PSG6: variants seen among roughly 807,000 people sequenced by gnomAD.
PSG6 encodes pregnancy-specific beta-1-glycoprotein 6.
PSG6 carries 51 observed loss-of-function variants against 43.3 expected under a neutral mutation model. That is an observed-to-expected ratio of 1.18 (90% CI 0.94 to 1.49). The LOEUF is 1.49. Among genes scored for constraint, PSG6 ranks in the 40% most tolerant of loss-of-function variants. PSG6 has a pLI of 0.00. For synonymous variants in PSG6, 292 were observed against 197.6 expected (o/e 1.48, Z -4.01); for missense variants, 770 against 522.2 (o/e 1.47, Z -4.62).
chr19:42,907,196 G>A lies in PSG6; in HGVS notation c.986-20C>T. ...GACCATCTGGAGGAAAGAGAATAAA[G>A]CCACAGGTGATGTCATCCAAGGGAA... On this transcript the variant is annotated intron_variant, in intron 4 of 5. Coordinates refer to ENST00000187910, the MANE Select transcript of PSG6 (RefSeq NM_001031850.4). The A allele has an allele frequency of 6.2e-7, 1 of 1,606,594 alleles. No homozygotes were observed. Among genetic ancestry groups the A allele is most frequent in the Non-Finnish European group, 8.5e-7 (1 of 1,175,574 alleles).
Position 42,917,725 on chromosome 19 carries a change from T to A in PSG6, c.64+4A>T, listed in dbSNP as rs200356085. The A allele has an allele frequency of 6.2e-7, 1 of 1,609,528 alleles. No individual in the cohort carries two copies. On this transcript the variant is annotated splice_donor_region_variant and intron_variant, in intron 1 of 5. Transcript: ENST00000187910. Reference sequence around the variant, plus strand: ...TGTCCTCTCCCAGGAAGTCCTCTCCTCACCTGTGAGCAGGAGCCCCTTCCA... The same window carrying A: ...TGTCCTCTCCCAGGAAGTCCTCTCCACACCTGTGAGCAGGAGCCCCTTCCA...
chr19:42,902,816 C>G (rs149689430), intron 5 of PSG6, among the ~76,000 whole-genome samples: 1 of 151,400 alleles, frequency 6.6e-6, no homozygotes, highest in Non-Finnish European at 1.5e-5. Flanking sequence ...AACTAACATA[C>G]CAGACTTGAT....
intron 2 of PSG6, among the ~76,000 whole-genome samples, chr19:42,914,490 CA>C (rs1259618954): frequency 7.0e-6 from 1 of 142,664 alleles, no homozygotes; most frequent in African/African-American, 2.7e-5. Flanking sequence ...ACACTGACTT[CA>C]AAAACCCCAG....
In PSG6 at chr19:42,906,959, G is replaced by A. The variant is rs757849226; in HGVS notation, c.1203C>T (p.Gly401=). The A allele has an allele frequency of 2.5e-6, 4 of 1,612,370 alleles. No individual in the cohort carries two copies. The South Asian group carries it at 4.4e-5, about 18-fold the overall frequency. ...CTATCATGGATTTGGAGATTTCCTT[G>A]CCAGTGGCTGAGTTACGAACAGAGC... is the stretch of plus-strand genomic sequence containing the variant. ...YACSVRNSAT[G]KEISKSMIVK... Residue 401 remains glycine (G), a synonymous_variant, in exon 5 of 6, where the codon GGC becomes GGT. Coordinates refer to ENST00000187910, the MANE Select transcript of PSG6 (RefSeq NM_001031850.4).
chr19:42,909,250 G>A (rs1435737080), intron 3 of PSG6, among the ~76,000 whole-genome samples: 20 of 151,182 alleles, frequency 1.3e-4, no homozygotes, highest in Admixed American at 3.3e-4. Context: ...ATTAGTTTTC[G>A]GTGAATTCCA....
intron 2 of PSG6, among the ~76,000 whole-genome samples, chr19:42,911,915 G>A (rs556894497): frequency 1.3e-5 from 2 of 151,504 alleles, no homozygotes; most frequent in African/African-American, 4.9e-5. Flanking sequence ...CGGGTATAGG[G>A]CGTTGTTCCG....
chr19:42,917,801 C>G lies in PSG6; in HGVS notation c.-9G>C. The G allele has an allele frequency of 6.2e-7, 1 of 1,608,468 alleles. No homozygotes were observed. The highest frequency in any genetic ancestry group is 2.2e-5 in the East Asian group (1 of 44,598). On this transcript the variant is annotated 5_prime_UTR_variant, in exon 1 of 6. Transcript: ENST00000187910. ...GCTGAGAGGGGTCCCATGGTCTCTG[C>G]TGTCTGTGTGTTCTCCCCTGTGGAG...
chr19:42,903,430 AAAT>A (rs1439940037), intron 5 of PSG6, among the ~76,000 whole-genome samples: 2 of 151,632 alleles, frequency 1.3e-5, no homozygotes, highest in Non-Finnish European at 2.9e-5. Flanking sequence ...TGAATGAGGG[AAAT>A]AATAAGTATT....
chr19:42,907,333 C>G (rs73550888), intron 4 of PSG6, among the ~76,000 whole-genome samples, 157 bp from the exon 5 acceptor site: 3 of 151,826 alleles, frequency 2.0e-5, no homozygotes, highest in Admixed American at 1.3e-4. Flanking sequence ...TGAGGTATTC[C>G]CCTGTTTCTC....
Position 42,907,616 on chromosome 19 carries a change from A to G in PSG6, c.945T>C (p.Tyr315=). 5 of 1,611,892 alleles carry G rather than the reference A, an allele frequency of 3.1e-6. No individual in the cohort carries two copies. Among genetic ancestry groups the G allele is most frequent in the Non-Finnish European group, 4.2e-6 (5 of 1,179,092 alleles). ...TGACTGGGTTACTGCGGATGCCACCATATCGGTCCCGTATTTCACATTGAT... is the reference window on the plus strand; with the variant it reads ...TGACTGGGTTACTGCGGATGCCACCGTATCGGTCCCGTATTTCACATTGAT... ...GPYQCEIRDR[Y]GGIRSNPVTL... is the part of the protein sequence containing the mutation. Residue 315 remains tyrosine (Y), a synonymous_variant, in exon 4 of 6, where the codon TAT becomes TAC. Transcript: ENST00000187910.
At position 42,907,161 on chromosome 19, in the gene PSG6, G is replaced by A. The variant is rs1272438186; in HGVS notation, c.1001C>T (p.Pro334Leu). Residue 334 changes from proline (P) to leucine (L), a missense_variant, in exon 5 of 6, where the codon CCC (proline) becomes CTC (leucine). Pro to Leu is a moderately conservative substitution (Grantham distance 98). Transcript: ENST00000187910. Reference protein sequence around the residue: ...TLNVLYGPDLPRIYPSFTYYR... With the variant: ...TLNVLYGPDLLRIYPSFTYYR... ...ATAGGTGAATGAAGGGTAAATTCTGGGGAGGTCTGGACCATCTGGAGGAAA... is the reference window on the plus strand; with the variant it reads ...ATAGGTGAATGAAGGGTAAATTCTGAGGAGGTCTGGACCATCTGGAGGAAA... 1 of 1,612,386 alleles carries A rather than the reference G, an allele frequency of 6.2e-7. No homozygotes were observed. Among genetic ancestry groups the A allele is most frequent in the Admixed American group, 1.7e-5 (1 of 59,900 alleles).
chr19:42,903,626 C>A lies in PSG6; in HGVS notation c.1241-1180G>T, dbSNP rs555544572. ...AAAATGGACTCTGAGCATGGTGGGT[C>A]ATGTTTTAATCCTAGCACTTTGGGA... On this transcript the variant is annotated intron_variant, in intron 5 of 5. Transcript: ENST00000187910. The A allele has an allele frequency of 4.1e-6, 6 of 1,472,838 alleles. No individual in the cohort carries two copies. The East Asian group carries it at 1.3e-4, about 33-fold the overall frequency. The allele number at this position is 1,472,838 out of a possible 1,614,324, so 91.2% of individuals were successfully genotyped here. A position where few individuals can be genotyped will look rare whatever the true frequency, so the allele number is the denominator to read the frequency against.
At chr19:42,908,584 C>T (rs1343159644) in intron 3 of PSG6, among the ~76,000 whole-genome samples, 4 of 151,672 alleles carry the variant, frequency 2.6e-5, no homozygotes, top group South Asian at 2.1e-4. Context: ...GTTCCCTGTC[C>T]TGGGTTCTTT....
chr19:42,902,680 C>G (rs543476358), intron 5 of PSG6, among the ~76,000 whole-genome samples: 11 of 151,680 alleles, frequency 7.3e-5, no homozygotes, highest in African/African-American at 2.7e-4. Flanking sequence ...GGAATCAGCT[C>G]TGCATAGCGG....
chr19:42,904,296 T>C (rs1383845563), intron 5 of PSG6, among the ~76,000 whole-genome samples: 1 of 151,642 alleles, frequency 6.6e-6, no homozygotes, highest in African/African-American at 2.4e-5. Context: ...AAAGGTCTAA[T>C]CAGAAAAATT....
At chr19:42,906,685 G>C (rs369295838) in intron 5 of PSG6, 3 of 1,444,242 alleles carry the variant, frequency 2.1e-6, no homozygotes, top group Non-Finnish European at 9.2e-7. Context: ...GCTCAGGGCT[G>C]ATAAAGCCCC....
At position 42,903,737 on chromosome 19, in the gene PSG6, A is replaced by T. The variant is rs1166409172; in HGVS notation, c.1241-1291T>A. The T allele has an allele frequency of 4.6e-6, 7 of 1,521,322 alleles. 1 individual carries two copies. The highest frequency in any genetic ancestry group is 6.2e-6 in the Non-Finnish European group (7 of 1,137,100). 94.2% of individuals were successfully genotyped at this position (1,521,322 alleles called of 1,614,324 possible). ...GATGCTGTCTCTACAAAAAAAAAAA[A>T]AACCAATTAGCTGGGCATGTTGACA... On this transcript the variant is annotated intron_variant, in intron 5 of 5. Coordinates refer to ENST00000187910, the MANE Select transcript of PSG6 (RefSeq NM_001031850.4).
intron 3 of PSG6, among the ~76,000 whole-genome samples, chr19:42,909,439 A>T (rs969225219): frequency 6.6e-6 from 1 of 151,530 alleles, no homozygotes; most frequent in African/African-American, 2.4e-5. Context: ...GAGTTTTCTA[A>T]ATTCTGCAAA....
rs575741182 is a variant in PSG6 at position 42,907,175 on chromosome 19, A to G, written c.987T>C (p.Tyr329=). The change falls in exon 5 of 6, where the codon TAT becomes TAC. Residue 329 remains tyrosine (Y), a splice_region_variant and synonymous_variant. Coordinates refer to ENST00000187910, the MANE Select transcript of PSG6 (RefSeq NM_001031850.4). The part of the protein sequence containing the change: ...RSNPVTLNVL[Y]GPDLPRIYPS... The stretch of plus-strand genomic sequence containing the variant: ...GGTAAATTCTGGGGAGGTCTGGACC[A>G]TCTGGAGGAAAGAGAATAAAGCCAC... 9.9e-6 allele frequency: 16 copies of G among 1,611,006 alleles called. No homozygotes were observed. The highest frequency in any genetic ancestry group is 1.4e-5 in the Non-Finnish European group (16 of 1,178,174).
Sources: allele counts gnomAD v4.1 joint callset (sites outside exome capture counted in the v4.1 genomes callset), GRCh38; gene constraint gnomAD v4.1.1; transcripts MANE v1.5; gene names NCBI Gene and HGNC (gene_info 2026-07-23, HGNC 2026-07-21).